Variants in KCNIP4 observed in about 807,000 individuals in gnomAD.
KCNIP4 encodes potassium voltage-gated channel interacting protein 4, also known as Kv channel-interacting protein 4.
In KCNIP4, 12 loss-of-function variants were observed where a neutral mutation model predicts 34.0. The observed-to-expected ratio is 0.35, with a 90% CI of 0.23 to 0.57. The LOEUF (loss-of-function observed/expected upper bound fraction) is 0.57. Among genes scored for constraint, KCNIP4 ranks in the 20% least tolerant of loss-of-function variants. The pLI is 0.83. For synonymous variants in KCNIP4, 124 were observed against 102.2 expected (o/e 1.21, Z -1.29); for missense variants, 238 against 311.7 (o/e 0.76, Z 1.78).
intron 1 of KCNIP4, among the ~76,000 whole-genome samples, chr4:21,629,877 G>T (rs1360283529): frequency 3.6e-5 from 3 of 83,800 alleles, no homozygotes; most frequent in Non-Finnish European, 6.5e-5. Flanking sequence ...TTGAGACAGG[G>T]TCTTGCTCTG....
chr4:21,813,845 G>A (rs1217722098), intron 1 of KCNIP4, among the ~76,000 whole-genome samples: 3 of 152,098 alleles, frequency 2.0e-5, no homozygotes, highest in African/African-American at 7.2e-5. Context: ...AAACAGAAAA[G>A]CTCCCTGAAA....
intron 1 of KCNIP4, among the ~76,000 whole-genome samples, chr4:21,319,929 C>A (rs968704285): frequency 6.6e-6 from 1 of 152,076 alleles, no homozygotes; most frequent in African/African-American, 2.4e-5. Flanking sequence ...GAGTGTTTTG[C>A]AAATAGAAAA....
At chr4:21,604,549 T>G (rs887041649) in intron 1 of KCNIP4, among the ~76,000 whole-genome samples, 14 of 152,054 alleles carry the variant, frequency 9.2e-5, no homozygotes, top group African/African-American at 2.9e-4. Context: ...CAAGCATAAA[T>G]GGGACCTTGG....
At chr4:21,895,944 T>C (rs1274296323) in intron 1 of KCNIP4, among the ~76,000 whole-genome samples, 3 of 152,184 alleles carry the variant, frequency 2.0e-5, no homozygotes, top group Admixed American at 6.5e-5. Context: ...CTAGGGTGCC[T>C]GAACCATCCA....
chr4:21,308,270 C>T (rs1712710326), intron 1 of KCNIP4, among the ~76,000 whole-genome samples: 1 of 152,130 alleles, frequency 6.6e-6, no homozygotes, highest in Admixed American at 6.5e-5. Context: ...CAAAATGAGG[C>T]CAATATCCCT....
intron 1 of KCNIP4, among the ~76,000 whole-genome samples, chr4:21,035,442 T>C (rs773194408): frequency 1.4e-4 from 22 of 152,238 alleles, no homozygotes; most frequent in Non-Finnish European, 2.8e-4. Context: ...CACTCCTGTG[T>C]GGCTCTGAGA....
At chr4:21,062,566 T>C (rs910769255) in intron 1 of KCNIP4, among the ~76,000 whole-genome samples, 17 of 148,624 alleles carry the variant, frequency 1.1e-4, no homozygotes, top group African/African-American at 3.7e-4. Context: ...CACACAGAGA[T>C]TATTATAAGA....
intron 1 of KCNIP4, among the ~76,000 whole-genome samples, chr4:21,721,996 A>G (rs994017322): frequency 2.6e-5 from 4 of 152,182 alleles, no homozygotes; most frequent in African/African-American, 9.6e-5. Context: ...TACATCACTG[A>G]TGCAAAAAGA....
chr4:21,526,412 C>T (rs960389414), intron 1 of KCNIP4, among the ~76,000 whole-genome samples: 2 of 152,060 alleles, frequency 1.3e-5, no homozygotes, highest in African/African-American at 4.8e-5. Flanking sequence ...ATCCATTAAA[C>T]CTCTTTCTTT....
chr4:21,213,112 C>T (rs572914692), intron 1 of KCNIP4, among the ~76,000 whole-genome samples: 21 of 152,162 alleles, frequency 1.4e-4, no homozygotes, highest in South Asian at 6.2e-4. Context: ...AAGGTCCGGA[C>T]GAGGTGCATG....
At chr4:21,086,627 T>G (rs1326719851) in intron 1 of KCNIP4, among the ~76,000 whole-genome samples, 1 of 152,150 alleles carries the variant, frequency 6.6e-6, no homozygotes, top group African/African-American at 2.4e-5. Flanking sequence ...CTCCAAGATG[T>G]GTTTGTACCA....
chr4:21,644,269 T>C (rs1746845963), intron 1 of KCNIP4, among the ~76,000 whole-genome samples: 1 of 152,060 alleles, frequency 6.6e-6, no homozygotes, highest in African/African-American at 2.4e-5. Flanking sequence ...TCAAATCTAA[T>C]ATTACTTTTG....
intron 1 of KCNIP4, among the ~76,000 whole-genome samples, chr4:20,938,728 G>A (rs1016219660): frequency 1.4e-4 from 22 of 152,076 alleles, no homozygotes; most frequent in African/African-American, 5.3e-4. Flanking sequence ...TGAAAACAAA[G>A]AAACAACACC....
At chr4:21,520,390 C>G (rs1735424000) in intron 1 of KCNIP4, among the ~76,000 whole-genome samples, 1 of 152,134 alleles carries the variant, frequency 6.6e-6, no homozygotes, top group African/African-American at 2.4e-5. Context: ...GCCACCAGGT[C>G]TACTGTATTT....
chr4:20,881,407 T>C (rs980357532), intron 2 of KCNIP4, among the ~76,000 whole-genome samples: 1 of 152,188 alleles, frequency 6.6e-6, no homozygotes, highest in Non-Finnish European at 1.5e-5. Flanking sequence ...AGCTGTGGGT[T>C]ATAGCCCCAA....
chr4:20,934,716 A>G (rs1254689895), intron 1 of KCNIP4, among the ~76,000 whole-genome samples: 1 of 152,238 alleles, frequency 6.6e-6, no homozygotes, highest in Non-Finnish European at 1.5e-5. Flanking sequence ...AGTAAAAAAT[A>G]TAAACAGTTT....
intron 1 of KCNIP4, among the ~76,000 whole-genome samples, chr4:21,281,707 T>C (rs537212219): frequency 6.6e-6 from 1 of 152,328 alleles, no homozygotes; most frequent in African/African-American, 2.4e-5. Flanking sequence ...TTGGGTTTAT[T>C]TTATTGCATT....
chr4:20,731,437 C>A (rs1030930527), intron 8 of KCNIP4: 1 of 985,236 alleles, frequency 1.0e-6, no homozygotes, highest in African/African-American at 1.7e-5. Context: ...TAAGCTAACA[C>A]TGGTTTCTTT....
At chr4:21,320,007 T>TA (rs1369844992) in intron 1 of KCNIP4, among the ~76,000 whole-genome samples, 5 of 152,230 alleles carry the variant, frequency 3.3e-5, no homozygotes, top group African/African-American at 1.2e-4. Context: ...CTGGTTATGA[T>TA]AAAAAATGCA....
Sources: allele counts gnomAD v4.1 joint callset (sites outside exome capture counted in the v4.1 genomes callset), GRCh38; gene constraint gnomAD v4.1.1; transcripts MANE v1.5; gene names NCBI Gene and HGNC (gene_info 2026-07-23, HGNC 2026-07-21).